Variants in ADGRD2 observed in about 807,000 individuals in gnomAD.
ADGRD2 encodes the protein G protein-coupled receptor PGR24.
A neutral mutation model predicts 44.4 loss-of-function variants in ADGRD2; 71 were observed. That is an observed-to-expected ratio of 1.60 (90% CI 1.32 to 1.95). ADGRD2 has a LOEUF of 1.95. Among genes scored for constraint, ADGRD2 ranks in the 30% most tolerant of loss-of-function variants. ADGRD2 has a pLI of 0.00. For synonymous variants in ADGRD2, 481 were observed against 224.8 expected, an observed-to-expected ratio of 2.14 and a Z score of -10.19; for missense variants, 1,039 against 512.4, an observed-to-expected ratio of 2.03 and a Z score of -9.92.
chr9:124,451,337 C>T (rs1831463771), upstream of ADGRD2: 1 of 412,680 alleles, frequency 2.4e-6, no homozygotes, highest in Non-Finnish European at 4.9e-6. Context: ...CCTCTCTGGC[C>T]AGCGACTGCT....
intron 17 of ADGRD2, 148 bp downstream of exon 20, chr9:124,470,762 T>TTTGAG: frequency 3.4e-6 from 2 of 585,668 alleles, no homozygotes; most frequent in Non-Finnish European, 6.2e-6. Context: ...AAGAAGGGGT[T>TTTGAG]TTGAGGGTGG....
exon 3 of ADGRD2, chr9:124,453,533 C>T: frequency 1.4e-6 from 1 of 698,264 alleles, no homozygotes; most frequent in Non-Finnish European, 2.6e-6. Flanking sequence ...CACCTGTGGG[C>T]GCGGGCGCTG....
intron 16 of ADGRD2, among the ~76,000 whole-genome samples, chr9:124,470,129 G>A (rs1831919560): frequency 6.6e-6 from 1 of 152,254 alleles, no homozygotes; most frequent in East Asian, 1.9e-4. Context: ...GAAAAGCCAG[G>A]GAACCCCAGG....
intron 10 of ADGRD2, among the ~76,000 whole-genome samples, chr9:124,462,540 A>G (rs1831741316): frequency 6.6e-6 from 1 of 152,230 alleles, no homozygotes; most frequent in Non-Finnish European, 1.5e-5. Flanking sequence ...TTATCAAGAT[A>G]TAGCTTTCCA....
intron 17 of ADGRD2, among the ~76,000 whole-genome samples, chr9:124,474,255 A>G (rs1832003992): frequency 6.8e-6 from 1 of 146,824 alleles, no homozygotes; most frequent in Admixed American, 6.8e-5. Context: ...AGCCTGGGCA[A>G]TAAGAGTGAA....
At chr9:124,478,192 C>T (rs1253550745) in intron 21 of ADGRD2, 89 bp from the exon 25 acceptor site, 1 of 152,526 alleles carries the variant, frequency 6.6e-6, no homozygotes, top group African/African-American at 2.4e-5. Flanking sequence ...AGGGTCTCCC[C>T]AAGCCTCAGT....
At chr9:124,451,999 C>CCCT, upstream of ADGRD2, 2 of 340,010 alleles carry the variant, frequency 5.9e-6, no homozygotes, top group Non-Finnish European at 1.2e-5. Flanking sequence ...CACTGAATGC[C>CCCT]CCCCTCCCAC....
exon 16 of ADGRD2, chr9:124,469,473 G>T: frequency 1.4e-6 from 1 of 718,120 alleles, no homozygotes; most frequent in Admixed American, 2.0e-5. Flanking sequence ...TGATCACCGT[G>T]TCCAGTGCCC....
At chr9:124,455,017 C>T in exon 6 of ADGRD2, 1 of 718,322 alleles carries the variant, frequency 1.4e-6, no homozygotes, top group Non-Finnish European at 2.6e-6. Context: ...GGCTGGGGAC[C>T]CAGAGCTGTT....
intron 10 of ADGRD2, among the ~76,000 whole-genome samples, chr9:124,461,443 A>G (rs2131241091): frequency 6.6e-6 from 1 of 152,362 alleles, no homozygotes; most frequent in East Asian, 1.9e-4. Flanking sequence ...ATGTATTTCA[A>G]CTTAAGTTCT....
At chr9:124,472,652 ACC>A (rs1564143764) in intron 17 of ADGRD2, among the ~76,000 whole-genome samples, 6 of 152,048 alleles carry the variant, frequency 3.9e-5, no homozygotes, top group Non-Finnish European at 7.4e-5. Context: ...GATTACAGGC[ACC>A]TGCCACCACG....
At chr9:124,472,459 TTTTGTTTGTTTTTTG>T (rs1230758406) in intron 17 of ADGRD2, among the ~76,000 whole-genome samples, 2 of 21,498 alleles carry the variant, frequency 9.3e-5, no homozygotes, top group East Asian at 3.1e-3. Flanking sequence ...TTTGTTTGTT[TTTTGTTTGTTTTTTG>T]TTTTTGTTTT....
At chr9:124,459,204 T>C (rs1831677955) in intron 10 of ADGRD2, among the ~76,000 whole-genome samples, 1 of 152,146 alleles carries the variant, frequency 6.6e-6, no homozygotes, top group South Asian at 2.1e-4. Flanking sequence ...TTTAAATGTT[T>C]TGTAGGTCCG....
chr9:124,450,457 C>G (rs1365097623), upstream of ADGRD2, among the ~76,000 whole-genome samples: 3 of 152,224 alleles, frequency 2.0e-5, no homozygotes, highest in Non-Finnish European at 4.4e-5. Flanking sequence ...CTTCAGTCCC[C>G]GCAGATGCCT....
At chr9:124,451,448 C>T (rs1831466008), upstream of ADGRD2, 1 of 354,096 alleles carries the variant, frequency 2.8e-6, no homozygotes, top group Non-Finnish European at 5.6e-6. Context: ...AAATGTCGTC[C>T]CTACTAGGTG....
At chr9:124,476,299 G>A (rs1832047677) in intron 19 of ADGRD2, 58 bp from the exon 23 acceptor site, 1 of 667,012 alleles carries the variant, frequency 1.5e-6, no homozygotes, top group East Asian at 2.7e-5. Context: ...CCAGGATGGG[G>A]GAGCAGAGAG....
chr9:124,477,068 AC>A, intron 21 of ADGRD2: 2 of 535,766 alleles, frequency 3.7e-6, no homozygotes, highest in African/African-American at 1.9e-5. Flanking sequence ...TAAGCCCAGC[AC>A]CCCCCGTCAC....
At chr9:124,452,595 A>G (rs1438092341) in exon 2 of ADGRD2, 1 of 718,386 alleles carries the variant, frequency 1.4e-6, no homozygotes, top group Non-Finnish European at 2.6e-6. Flanking sequence ...GGCAGGCCCA[A>G]GAGTCCTGCG....
chr9:124,473,028 G>A (rs868552675), intron 17 of ADGRD2, among the ~76,000 whole-genome samples: 7 of 152,168 alleles, frequency 4.6e-5, no homozygotes, highest in Admixed American at 2.6e-4. Context: ...CTCTCAGTCA[G>A]TCCCTCTCCC....
Sources: gnomAD v4.1 joint callset for allele counts (sites outside exome capture counted in the v4.1 genomes callset) on GRCh38, gnomAD v4.1.1 for gene constraint, MANE v1.5 for transcripts, NCBI Gene and HGNC (gene_info 2026-07-23, HGNC 2026-07-21) for gene names.